Variants in ZNF44 observed in about 807,000 individuals in gnomAD.
ZNF44 encodes the protein zinc finger protein 44, also known as gonadotropin inducible transcription repressor-2.
A neutral mutation model predicts 11.7 loss-of-function variants in ZNF44; 9 were observed. The observed-to-expected ratio is 0.77, with a 90% CI of 0.46 to 1.35. The LOEUF (loss-of-function observed/expected upper bound fraction) is 1.35, where lower values mean the gene tolerates loss of function less well. Among genes scored for constraint, ZNF44 ranks in the 40% most tolerant of loss-of-function variants. The pLI, the probability that ZNF44 is intolerant of heterozygous loss-of-function variation, is 0.00. For missense variants in ZNF44, 696 were observed against 743.1 expected, an observed-to-expected ratio of 0.94 and a Z score of 0.74; for synonymous variants, 224 against 242.7, an observed-to-expected ratio of 0.92 and a Z score of 0.72.
At chr19:12,294,069 G>A (rs1968131729) in intron 1 of ZNF44, among the ~76,000 whole-genome samples, 1 of 152,222 alleles carries the variant, frequency 6.6e-6, no homozygotes, top group South Asian at 2.1e-4. Flanking sequence ...CTGGGGATAA[G>A]ATCTCTGAGA....
chr19:12,236,083 T>C (rs1916376579), intron 1 of ZNF44, among the ~76,000 whole-genome samples: 1 of 152,138 alleles, frequency 6.6e-6, no homozygotes, highest in Admixed American at 6.5e-5. Context: ...CTGCATCTGT[T>C]TGAAATGTAC....
intron 1 of ZNF44, among the ~76,000 whole-genome samples, chr19:12,235,691 C>A (rs1408767242): frequency 1.3e-5 from 2 of 152,266 alleles, no homozygotes; most frequent in African/African-American, 4.8e-5. Context: ...GTGGCTCATG[C>A]CTGTAATCCC....
At chr19:12,253,747 G>A (rs139035199) in intron 5 of ZNF44, among the ~76,000 whole-genome samples, 36 of 152,086 alleles carry the variant, frequency 2.4e-4, no homozygotes, top group African/African-American at 8.7e-4. Context: ...TGGGGATGCT[G>A]AGGTAGGGGG....
chr19:12,292,868 T>TTG lies in ZNF44; in HGVS notation c.3+1823_3+1824insCA, dbSNP rs1568461510. On this transcript the variant is annotated intron_variant, in intron 1 of 3. Coordinates refer to ENST00000355684, the MANE Select transcript of ZNF44 (RefSeq NM_016264.4). ...CCCAGAGGTTAGGTTTTTTTTTTTT[T>TTG]TTTTTTTTTTTTGAGACAGAGTTTC... Among the ~76,000 whole-genome samples, 200 of 106,064 alleles carry TTG rather than the reference T, an allele frequency of 1.9e-3. 4 individuals carry two copies. The South Asian group carries it at 0.023, about 12-fold the overall frequency. 69.6% of individuals were successfully genotyped at this position (106,064 alleles called of 152,430 possible).
intron 5 of ZNF44, among the ~76,000 whole-genome samples, chr19:12,254,122 T>G (rs2438567): frequency 0.063 from 9,514 of 150,838 alleles, 1,021 homozygotes; most frequent in African/African-American, 0.22. Flanking sequence ...CAAGATAAGA[T>G]AGACTACATT....
At chr19:12,276,182 G>A in intron 1 of ZNF44, 100 bp from the exon 2 acceptor site, 1 of 1,516,572 alleles carries the variant, frequency 6.6e-7, no homozygotes, top group Non-Finnish European at 9.0e-7. Flanking sequence ...TGGTTTCCAA[G>A]CATTTATTCA....
chr19:12,277,520 A>G (rs1378977108), intron 1 of ZNF44, among the ~76,000 whole-genome samples: 7 of 152,234 alleles, frequency 4.6e-5, no homozygotes, highest in African/African-American at 1.7e-4. Flanking sequence ...AGATGCTTAA[A>G]AAAAACCTTC....
At chr19:12,259,476 T>C (rs1009311598) in intron 5 of ZNF44, among the ~76,000 whole-genome samples, 16 of 152,238 alleles carry the variant, frequency 1.1e-4, no homozygotes, top group Non-Finnish European at 1.6e-4. Flanking sequence ...ATTTTTGTTA[T>C]GCAAATTCCT....
At chr19:12,292,186 G>C (rs1968034461) in intron 1 of ZNF44, among the ~76,000 whole-genome samples, 1 of 151,812 alleles carries the variant, frequency 6.6e-6, no homozygotes, top group Admixed American at 6.6e-5. Flanking sequence ...AAATTAGTAG[G>C]GCATGGTGGG....
At chr19:12,270,081 A>C (rs1232790814), downstream of ZNF44, among the ~76,000 whole-genome samples, 1 of 152,146 alleles carries the variant, frequency 6.6e-6, no homozygotes, top group African/African-American at 2.4e-5. Flanking sequence ...ACAATGCTAT[A>C]ATCTCCAACC....
At chr19:12,244,937 GT>G (rs1416417413), downstream of ZNF44, among the ~76,000 whole-genome samples, 6 of 152,214 alleles carry the variant, frequency 3.9e-5, no homozygotes, top group Non-Finnish European at 8.8e-5. Context: ...ATAACCCTCC[GT>G]CATTGATGCT....
chr19:12,237,891 A>G (rs1201080519), upstream of ZNF44: 3 of 151,024 alleles, frequency 2.0e-5, no homozygotes, highest in Non-Finnish European at 2.9e-5. Context: ...GCATCTTCCT[A>G]TACTCACTGG....
At chr19:12,283,390 G>A (rs1053852556) in intron 1 of ZNF44, among the ~76,000 whole-genome samples, 1 of 152,110 alleles carries the variant, frequency 6.6e-6, no homozygotes, top group African/African-American at 2.4e-5. Flanking sequence ...GTGCAGTGGC[G>A]TGATCTTGGC....
At chr19:12,279,517 AAC>A (rs1361696651) in intron 1 of ZNF44, among the ~76,000 whole-genome samples, 1 of 152,036 alleles carries the variant, frequency 6.6e-6, no homozygotes, top group African/African-American at 2.4e-5. Flanking sequence ...AAATAAATAA[AAC>A]AGAGAAACAT....
chr19:12,248,369 T>G (rs1916841809), exon 8 of ZNF44: 2 of 1,291,810 alleles, frequency 1.5e-6, no homozygotes, highest in Non-Finnish European at 2.0e-6. Context: ...ATTTGTAGAC[T>G]ATCCCTGCAC....
chr19:12,250,622 G>C, intron 5 of ZNF44: 1 of 378,842 alleles, frequency 2.6e-6, no homozygotes, highest in Non-Finnish European at 5.2e-6. Flanking sequence ...CTCTGGAAAA[G>C]TGAGAGAAAT....
downstream of ZNF44, chr19:12,226,158 A>G (rs188874915): frequency 6.6e-6 from 1 of 152,210 alleles, no homozygotes; most frequent in Non-Finnish European, 1.5e-5. Flanking sequence ...CATACAGTGG[A>G]GCAAGAATAA....
At chr19:12,262,673 TCAATG>T (rs1917560552) in intron 5 of ZNF44, among the ~76,000 whole-genome samples, 1 of 152,146 alleles carries the variant, frequency 6.6e-6, no homozygotes, top group Admixed American at 6.6e-5. Context: ...CCCGAGAACT[TCAATG>T]CACTCATCTT....
intron 7 of ZNF44, among the ~76,000 whole-genome samples, chr19:12,248,865 T>C (rs555486187): frequency 6.6e-6 from 1 of 152,174 alleles, no homozygotes; most frequent in Non-Finnish European, 1.5e-5. Context: ...ATAACTGTTA[T>C]GAAAACAGTG....
Sources: gnomAD v4.1 joint callset for allele counts (sites outside exome capture counted in the v4.1 genomes callset) on GRCh38, gnomAD v4.1.1 for gene constraint, MANE v1.5 for transcripts, NCBI Gene and HGNC (gene_info 2026-07-23, HGNC 2026-07-21) for gene names.